THADA: variants seen among roughly 807,000 people sequenced by gnomAD.
THADA encodes THADA armadillo repeat containing.
THADA carries 213 observed loss-of-function variants against 219.8 expected under a neutral mutation model. The ratio of observed to expected loss-of-function variants is 0.97; its 90% CI spans 0.87 to 1.09. THADA has a LOEUF of 1.09. Ranked by LOEUF, THADA falls within the 50% of genes least tolerant of loss-of-function variation. The probability of loss-of-function intolerance (pLI) is 0.00; values close to 1 mark genes in which losing one functional copy is unlikely to be tolerated. For missense variants in THADA, 2,956 were observed against 2,311.3 expected, an observed-to-expected ratio of 1.28 and a Z score of -5.72; for synonymous variants, 1,018 against 828.9, an observed-to-expected ratio of 1.23 and a Z score of -3.92.
chr2:43,357,840 C>T (rs147461923), intron 29 of THADA, among the ~76,000 whole-genome samples: 1 of 152,244 alleles, frequency 6.6e-6, no homozygotes, highest in East Asian at 1.9e-4. Context: ...GGGATTTTTA[C>T]ATTCAATGTT....
At chr2:43,380,074 C>A (rs532081396) in intron 29 of THADA, among the ~76,000 whole-genome samples, 1 of 152,156 alleles carries the variant, frequency 6.6e-6, no homozygotes, top group Non-Finnish European at 1.5e-5. Flanking sequence ...GGGTGTGGAA[C>A]TAATCTATAT....
At chr2:43,477,281 T>C (rs529020220) in intron 26 of THADA, among the ~76,000 whole-genome samples, 1 of 152,062 alleles carries the variant, frequency 6.6e-6, no homozygotes, top group Admixed American at 6.5e-5. Context: ...AGAGAGAGAA[T>C]CTCCATGGTC....
chr2:43,244,441 C>T (rs553716027), intron 36 of THADA, among the ~76,000 whole-genome samples: 8 of 152,218 alleles, frequency 5.3e-5, no homozygotes, highest in Non-Finnish European at 1.2e-4. Context: ...CCAGCCCTTC[C>T]GGGTGCTTCC....
intron 28 of THADA, among the ~76,000 whole-genome samples, chr2:43,421,786 C>T (rs747386616): frequency 4.6e-5 from 7 of 152,214 alleles, no homozygotes; most frequent in Non-Finnish European, 8.8e-5. Context: ...AACACAGTTA[C>T]AGAAGTTACT....
intron 28 of THADA, among the ~76,000 whole-genome samples, chr2:43,425,127 C>T (rs1344331545): frequency 6.6e-6 from 1 of 152,178 alleles, no homozygotes; most frequent in Non-Finnish European, 1.5e-5. Context: ...GTACATCTAA[C>T]ACCCTTGACA....
intron 29 of THADA, among the ~76,000 whole-genome samples, chr2:43,353,005 T>C (rs917546571): frequency 1.3e-5 from 2 of 152,208 alleles, no homozygotes; most frequent in African/African-American, 2.4e-5. Flanking sequence ...TGCGACACTT[T>C]TCTGTGTCTG....
chr2:43,563,297 C>T (rs980973976), intron 15 of THADA: 1 of 152,104 alleles, frequency 6.6e-6, no homozygotes, highest in Admixed American at 6.5e-5. Context: ...ATGATTTATT[C>T]TTTTATCCAT....
intron 34 of THADA, 79 bp from the exon 35 acceptor site, chr2:43,287,140 A>C (rs1271027883): frequency 7.3e-7 from 1 of 1,365,226 alleles, no homozygotes; most frequent in Admixed American, 2.2e-5. Context: ...GACCTACACC[A>C]AACTGGGCCT....
At chr2:43,242,234 A>G (rs1404139302) in intron 36 of THADA, among the ~76,000 whole-genome samples, 3 of 152,208 alleles carry the variant, frequency 2.0e-5, no homozygotes, top group African/African-American at 7.2e-5. Context: ...CTGCCCAGAT[A>G]CCACCCGCTT....
chr2:43,592,041 C>G lies in THADA; in HGVS notation c.82G>C (p.Ala28Pro). The G allele has an allele frequency of 6.4e-7, 1 of 1,554,598 alleles. No homozygotes were observed. The highest frequency in any genetic ancestry group is 8.7e-7 in the Non-Finnish European group (1 of 1,148,384). ...HQDLETLKSF[A>P]DVEGKNLASL... ...GCTAGATTTTTCCCTTCCACATCAG[C>G]AAAAGCTATATAACATATACAAAAA... is the stretch of plus-strand genomic sequence containing the variant. Residue 28 changes from alanine to proline, a missense_variant, in exon 3 of 38, where the codon GCT becomes CCT. Coordinates refer to ENST00000405975, the MANE Select transcript of THADA (RefSeq NM_022065.5).
At chr2:43,455,329 C>A (rs1682852846) in intron 26 of THADA, among the ~76,000 whole-genome samples, 1 of 152,068 alleles carries the variant, frequency 6.6e-6, no homozygotes, top group South Asian at 2.1e-4. Flanking sequence ...TTTTTTCCAT[C>A]TGTTCCCTAT....
chr2:43,328,580 G>A (rs984312559), intron 30 of THADA, among the ~76,000 whole-genome samples: 2 of 152,204 alleles, frequency 1.3e-5, no homozygotes, highest in Non-Finnish European at 2.9e-5. Flanking sequence ...GTGAGAGACC[G>A]TGAGCTGTTA....
At chr2:43,536,815 G>A (rs189992949) in intron 21 of THADA, among the ~76,000 whole-genome samples, 137 of 152,262 alleles carry the variant, frequency 9.0e-4, no homozygotes, top group Admixed American at 1.4e-3. Flanking sequence ...TCTTTTACTT[G>A]TGAAATGGAG....
intron 15 of THADA, chr2:43,564,869 T>A (rs1698484610): frequency 6.6e-6 from 1 of 152,154 alleles, no homozygotes; most frequent in Non-Finnish European, 1.5e-5. Flanking sequence ...AATGTTAATA[T>A]CATAAAATTA....
intron 31 of THADA, among the ~76,000 whole-genome samples, chr2:43,295,877 C>T (rs1338987101): frequency 1.3e-5 from 2 of 151,542 alleles, no homozygotes; most frequent in African/African-American, 4.8e-5. Flanking sequence ...TGATGGGACC[C>T]CAGGGAGGCC....
intron 20 of THADA, among the ~76,000 whole-genome samples, chr2:43,542,019 A>C (rs916791354): frequency 2.0e-5 from 3 of 152,216 alleles, no homozygotes; most frequent in African/African-American, 7.2e-5. Flanking sequence ...AGGAAAATAC[A>C]AATTATCTTT....
At chr2:43,488,473 T>C (rs993814333) in intron 25 of THADA, among the ~76,000 whole-genome samples, 43 of 152,200 alleles carry the variant, frequency 2.8e-4, no homozygotes, top group African/African-American at 9.7e-4. Flanking sequence ...TAGCATAATG[T>C]TCTCAAGGTT....
chr2:43,300,621 A>C (rs1008145480), intron 31 of THADA, among the ~76,000 whole-genome samples: 2 of 152,182 alleles, frequency 1.3e-5, no homozygotes, highest in Non-Finnish European at 2.9e-5. Context: ...AGGAGAGGAA[A>C]GGGCAAACGT....
intron 30 of THADA, among the ~76,000 whole-genome samples, chr2:43,327,888 G>C (rs1679521255): frequency 6.6e-6 from 1 of 152,154 alleles, no homozygotes; most frequent in African/African-American, 2.4e-5. Flanking sequence ...ATTTTGTTGA[G>C]CTTCCCCTTC....
Sources: gnomAD v4.1 joint callset for allele counts (sites outside exome capture counted in the v4.1 genomes callset) on GRCh38, gnomAD v4.1.1 for gene constraint, MANE v1.5 for transcripts, NCBI Gene and HGNC (gene_info 2026-07-23, HGNC 2026-07-21) for gene names.